The following SHBG variants were observed in gnomAD, a reference collection of about 807,000 sequenced individuals.
SHBG encodes sex hormone-binding globulin.
Under a neutral mutation model 41.9 loss-of-function variants are expected in SHBG, and 37 were observed. The observed-to-expected ratio is 0.88, with a 90% CI of 0.68 to 1.16. The LOEUF (loss-of-function observed/expected upper bound fraction) is 1.16. Among genes scored for constraint, SHBG ranks in the 50% most tolerant of loss-of-function variants. SHBG has a pLI of 0.00. For missense variants in SHBG, 466 were observed against 499.9 expected (o/e 0.93, Z 0.65); for synonymous variants, 217 against 205.8 (o/e 1.05, Z -0.47).
chr17:7,627,926 C>T, upstream of SHBG: 1 of 551,384 alleles, frequency 1.8e-6, no homozygotes, highest in Non-Finnish European at 3.4e-6. The surrounding 1 kb of genome is among the most constrained non-coding windows in gnomAD (Gnocchi z 4.8). Flanking sequence ...AGAACAGGCA[C>T]GGCCGCGTCC....
chr17:7,621,997 C>T (rs1487125371), intron 1 of SHBG, among the ~76,000 whole-genome samples: 14 of 150,958 alleles, frequency 9.3e-5, no homozygotes, highest in East Asian at 2.0e-4. Flanking sequence ...CCACCATGCC[C>T]GGCTAATTTT....
chr17:7,626,966 A>C, upstream of SHBG: 1 of 1,613,956 alleles, frequency 6.2e-7, no homozygotes, highest in South Asian at 1.1e-5. Flanking sequence ...CATCACATAG[A>C]TATCCTCCAG....
At chr17:7,614,758 G>C (rs1337864806) in intron 1 of SHBG, 1 of 239,344 alleles carries the variant, frequency 4.2e-6, no homozygotes, top group African/African-American at 2.3e-5. Context: ...CCACCGTGAG[G>C]GAAACGGCCG....
chr17:7,627,583 A>G, upstream of SHBG: 2 of 1,611,274 alleles, frequency 1.2e-6, no homozygotes, highest in Non-Finnish European at 1.7e-6. The surrounding 1 kb of genome is among the most constrained non-coding windows in gnomAD (Gnocchi z 4.8). Context: ...AATCAGCCTC[A>G]GGATATCTCC....
chr17:7,614,085 G>C lies in SHBG; in HGVS notation c.-88G>C, dbSNP rs1286541373. ...AGACAATTCTCCATGTGCTTGGATC[G>C]TGGGGAAGATGTGATTAAGGTCTAA... On this transcript the variant is annotated 5_prime_UTR_variant, in exon 1 of 6. Coordinates refer to the SHBG transcript ENST00000570547. The C allele has an allele frequency of 2.2e-5, 11 of 496,372 alleles. No homozygotes were observed. The East Asian group carries it at 6.1e-4, about 28-fold the overall frequency. The allele number at this position is 496,372 out of a possible 1,614,324, so 30.7% of individuals were successfully genotyped here.
Position 7,630,484 on chromosome 17 carries a change from CT to C in SHBG, c.183del (p.Phe61LeufsTer23). Reference sequence around the variant, plus strand: ...GACAAGAGCCTATCGCTGTCATGACCTTTGACCTCACCAAGATCACAAAGTA... The same window carrying C: ...GACAAGAGCCTATCGCTGTCATGACCTTGACCTCACCAAGATCACAAAGTA... ...PGQEPIAVMT[F>X]DLTKITKTSS... On this transcript the variant is annotated frameshift_variant, in exon 2 of 8. Transcript: ENST00000380450. LOFTEE classifies it high-confidence loss of function. The surrounding 1 kb of genome is among the most constrained non-coding windows in gnomAD (Gnocchi z 4.6). The C allele has an allele frequency of 6.2e-7, 1 of 1,614,150 alleles. No individual in the cohort carries two copies. The highest frequency in any genetic ancestry group is 8.5e-7 in the Non-Finnish European group (1 of 1,179,994).
At chr17:7,631,458 G>A in intron 4 of SHBG, 97 bp downstream of exon 4, 1 of 1,569,486 alleles carries the variant, frequency 6.4e-7, no homozygotes, top group East Asian at 2.2e-5. Flanking sequence ...TTAGGGAGAA[G>A]GGAAGGGTTG....
intron 1 of SHBG, among the ~76,000 whole-genome samples, chr17:7,616,932 G>C (rs907347204): frequency 9.2e-5 from 14 of 152,038 alleles, no homozygotes; most frequent in Non-Finnish European, 1.5e-4. Context: ...GCGACACTCT[G>C]TCTCAAAAAA....
upstream of SHBG, chr17:7,629,993 G>T: frequency 1.5e-6 from 1 of 675,322 alleles, no homozygotes. Context: ...ATCCCCAGAG[G>T]GGTGATAGCT....
intron 1 of SHBG, among the ~76,000 whole-genome samples, chr17:7,620,412 G>C (rs1022557906): frequency 6.6e-6 from 1 of 152,166 alleles, no homozygotes; most frequent in Non-Finnish European, 1.5e-5. Context: ...TGCCTCCCGG[G>C]TTCAAGAGAT....
upstream of SHBG, chr17:7,627,745 C>G (rs771102778): frequency 7.1e-5 from 68 of 952,164 alleles, no homozygotes; most frequent in Non-Finnish European, 1.0e-4. The surrounding 1 kb of genome is among the most constrained non-coding windows in gnomAD (Gnocchi z 4.8). Flanking sequence ...AGCGGGGTGG[C>G]GGGAGTCGGG....
intron 1 of SHBG, among the ~76,000 whole-genome samples, chr17:7,621,696 A>G (rs947225132): frequency 6.6e-6 from 1 of 151,488 alleles, no homozygotes; most frequent in African/African-American, 2.4e-5. Flanking sequence ...TACATAATGT[A>G]TATCTGTGAA....
At chr17:7,627,297 C>G (rs2072243865), upstream of SHBG, 1 of 1,611,938 alleles carries the variant, frequency 6.2e-7, no homozygotes, top group Non-Finnish European at 8.5e-7. This position sits in a 1 kb window ranked among gnomAD's most constrained non-coding sequence, Gnocchi z 4.8. Flanking sequence ...CTGGAGCTGT[C>G]GCCTGGGGAA....
chr17:7,616,451 C>CAAAAA (rs71159512), intron 1 of SHBG, among the ~76,000 whole-genome samples: 62 of 101,430 alleles, frequency 6.1e-4, no homozygotes, highest in South Asian at 1.1e-3. Flanking sequence ...ACTAAAAATA[C>CAAAAA]AAAAAAAAAA....
intron 1 of SHBG, among the ~76,000 whole-genome samples, chr17:7,615,526 C>A (rs573381009): frequency 6.6e-6 from 1 of 152,108 alleles, no homozygotes; most frequent in African/African-American, 2.4e-5. Flanking sequence ...TTTGGCCGGG[C>A]GCGGTGGCTC....
chr17:7,633,048 G>T, intron 7 of SHBG, 89 bp downstream of exon 7: 1 of 1,435,752 alleles, frequency 7.0e-7, no homozygotes. Flanking sequence ...GAAACCTCTG[G>T]GAGGGAAGAA....
At chr17:7,621,998 G>A (rs773117108) in intron 1 of SHBG, among the ~76,000 whole-genome samples, 4 of 150,510 alleles carry the variant, frequency 2.7e-5, no homozygotes, top group East Asian at 2.0e-4. Context: ...CACCATGCCC[G>A]GCTAATTTTT....
intron 1 of SHBG, among the ~76,000 whole-genome samples, chr17:7,620,324 G>A (rs981342889): frequency 3.9e-5 from 6 of 151,934 alleles, no homozygotes; most frequent in Non-Finnish European, 8.8e-5. Flanking sequence ...TTGTTTGTTT[G>A]TTTGTTTTTT....
intron 1 of SHBG, among the ~76,000 whole-genome samples, chr17:7,622,234 T>A (rs1480094051): frequency 6.6e-6 from 1 of 151,790 alleles, no homozygotes; most frequent in Non-Finnish European, 1.5e-5. Flanking sequence ...CAGGCCCTTT[T>A]CACCCCACTC....
Sources: allele counts gnomAD v4.1 joint callset (sites outside exome capture counted in the v4.1 genomes callset), GRCh38; gene constraint gnomAD v4.1.1; non-coding constraint Gnocchi (gnomAD v3.1); transcripts MANE v1.5; gene names NCBI Gene and HGNC (gene_info 2026-07-23, HGNC 2026-07-21).